LGI1: variants seen among roughly 807,000 people sequenced by gnomAD.
LGI1 encodes the protein leucine-rich glioma-inactivated protein 1.
A neutral mutation model predicts 57.7 loss-of-function variants in LGI1; 11 were observed. The ratio of observed to expected loss-of-function variants is 0.19; its 90% CI spans 0.12 to 0.32. The LOEUF (loss-of-function observed/expected upper bound fraction) is 0.32. Among genes scored for constraint, LGI1 ranks in the 10% least tolerant of loss-of-function variants. LGI1 has a pLI of 1.00. For missense variants in LGI1, 422 were observed against 661.9 expected (o/e 0.64, Z 3.98); for synonymous variants, 222 against 241.9 (o/e 0.92, Z 0.76).
At chr10:93,761,687 C>G (rs2059624936) in intron 2 of LGI1, among the ~76,000 whole-genome samples, 1 of 152,134 alleles carries the variant, frequency 6.6e-6, no homozygotes, top group Non-Finnish European at 1.5e-5. Flanking sequence ...CAAAAACCCA[C>G]ATTCCGTAGA....
chr10:93,783,402 A>G (rs1589766875), intron 4 of LGI1, among the ~76,000 whole-genome samples: 1 of 152,174 alleles, frequency 6.6e-6, no homozygotes, highest in South Asian at 2.1e-4. Flanking sequence ...AAATAAATAA[A>G]TAAAAGAATG....
intron 7 of LGI1, among the ~76,000 whole-genome samples, chr10:93,795,387 G>A (rs2059971768): frequency 6.6e-6 from 1 of 152,142 alleles, no homozygotes; most frequent in South Asian, 2.1e-4. Flanking sequence ...TGCCTTCTCT[G>A]TGTCCTAACA....
intron 4 of LGI1, among the ~76,000 whole-genome samples, chr10:93,783,967 G>T (rs2059873543): frequency 6.6e-6 from 1 of 152,158 alleles, no homozygotes; most frequent in Non-Finnish European, 1.5e-5. Context: ...AGCCGAGATA[G>T]CGCCACTGCA....
chr10:93,779,730 G>A (rs892100506), intron 4 of LGI1, among the ~76,000 whole-genome samples: 2 of 152,136 alleles, frequency 1.3e-5, no homozygotes, highest in East Asian at 1.9e-4. Context: ...TACAGAACAC[G>A]CTTAACATTC....
chr10:93,759,556 T>G (rs1184784744), intron 2 of LGI1, among the ~76,000 whole-genome samples: 1 of 152,142 alleles, frequency 6.6e-6, no homozygotes, highest in African/African-American at 2.4e-5. Context: ...TGTGTAATGT[T>G]TGGCAATTGG....
chr10:93,783,468 C>T (rs1304715504), intron 4 of LGI1, among the ~76,000 whole-genome samples: 2 of 152,200 alleles, frequency 1.3e-5, no homozygotes, highest in Non-Finnish European at 2.9e-5. Context: ...TTGAAGGCAA[C>T]TTTAAAGAGC....
chr10:93,775,453 C>T (rs915763478), intron 2 of LGI1, among the ~76,000 whole-genome samples: 2 of 152,104 alleles, frequency 1.3e-5, no homozygotes, highest in South Asian at 2.1e-4. Flanking sequence ...GAACTGTGCC[C>T]GGGGCTGGGG....
intron 2 of LGI1, chr10:93,763,795 CTT>C (rs1372587195): frequency 1.3e-5 from 2 of 152,196 alleles, no homozygotes; most frequent in Non-Finnish European, 2.9e-5. Flanking sequence ...GCTCGAATCT[CTT>C]GTGTCCCACG....
rs1234201805 is a variant in LGI1, at chr10:93,792,879, C to T, written c.640C>T (p.Leu214Phe). 6.2e-7 allele frequency: 1 copy of T among 1,614,070 alleles called. No individual in the cohort carries two copies. The highest frequency in any genetic ancestry group is 2.2e-5 in the East Asian group (1 of 44,864). The change falls in exon 6 of 8, where the codon CTC (leucine) becomes TTC (phenylalanine). Residue 214 changes from leucine to phenylalanine, a missense_variant. Around this residue, in one of 3 missense-constraint regions of LGI1, gnomAD observed 301 missense variants for 461.7 expected, o/e 0.65. Transcript: ENST00000371418. The stretch of plus-strand genomic sequence containing the variant: ...ATACAAGAAGCGCAAAATCAATAGT[C>T]TCTCCTCGAAGGATTTTGATTGCAT... ...PEYKKRKINS[L>F]SSKDFDCIIT... is the part of the protein sequence containing the mutation.
chr10:93,763,959 A>G (rs1024719703), intron 2 of LGI1: 2 of 152,254 alleles, frequency 1.3e-5, no homozygotes, highest in Admixed American at 6.5e-5. Flanking sequence ...AGAAAAATCA[A>G]TAACACAAAG....
chr10:93,778,520 C>T (rs1256067499), intron 4 of LGI1, among the ~76,000 whole-genome samples: 1 of 152,138 alleles, frequency 6.6e-6, no homozygotes, highest in Non-Finnish European at 1.5e-5. Context: ...TCTCAATAAT[C>T]CTGCCAAACA....
In LGI1 at chr10:93,771,318, T is replaced by C. The variant is rs1315645713; in HGVS notation, c.288-6061T>C. On this transcript the variant is annotated intron_variant, in intron 2 of 7. Coordinates refer to ENST00000371418, the MANE Select transcript of LGI1 (RefSeq NM_005097.4). ...GTTAAGGGGAAGATGTAGGCAATAT[T>C]TCCTTGATCTCAAGACAGGAAAGGA... 3 of 152,334 alleles carry C rather than the reference T, an allele frequency of 2.0e-5. No homozygotes were observed. The East Asian group carries it at 5.8e-4, about 29-fold the overall frequency. The allele number at this position is 152,334 out of a possible 1,614,324, so 9.4% of individuals were successfully genotyped here.
intron 2 of LGI1, among the ~76,000 whole-genome samples, chr10:93,761,641 C>A (rs2133979314): frequency 6.6e-6 from 1 of 152,158 alleles, no homozygotes; most frequent in East Asian, 1.9e-4. Flanking sequence ...TCCTGGTAGG[C>A]CATGGCTGGC....
Position 93,793,163 on chromosome 10 carries a change from CTTA to C in LGI1, c.674-17_674-15del. The C allele has an allele frequency of 6.3e-7, 1 of 1,585,734 alleles. No individual in the cohort carries two copies. The highest frequency in any genetic ancestry group is 8.6e-7 in the Non-Finnish European group (1 of 1,159,336). ...GGAAAGAGGTATTAGCTCACAGTTA[CTTA>C]TTATTTCCTATTTTTGCAGAATTTG... On this transcript the variant is annotated intron_variant, in intron 6 of 7. Transcript: ENST00000371418.
intron 2 of LGI1, chr10:93,769,520 G>A (rs1348524206): frequency 6.6e-6 from 1 of 152,198 alleles, no homozygotes; most frequent in African/African-American, 2.4e-5. Flanking sequence ...TTTGATGTCT[G>A]TGCTCTTTAC....
chr10:93,790,546 C>A, intron 5 of LGI1: 1 of 209,350 alleles, frequency 4.8e-6, no homozygotes, highest in Admixed American at 5.3e-5. Flanking sequence ...GTCTGGGAAA[C>A]TGACAGAATA....
At chr10:93,765,016 T>C (rs1231959004) in intron 2 of LGI1, 2 of 152,216 alleles carry the variant, frequency 1.3e-5, no homozygotes, top group African/African-American at 4.8e-5. Flanking sequence ...TCTCCTTTCT[T>C]CCTCATGAAT....
chr10:93,795,746 T>TATTG (rs2059974806), intron 7 of LGI1, among the ~76,000 whole-genome samples: 1 of 152,216 alleles, frequency 6.6e-6, no homozygotes, highest in African/African-American at 2.4e-5. Flanking sequence ...AGCCAATCAG[T>TATTG]ATTGGTACAT....
intron 4 of LGI1, chr10:93,780,407 T>C: frequency 6.6e-6 from 1 of 152,218 alleles, no homozygotes; most frequent in South Asian, 2.1e-4. Context: ...TAGTTTCCTT[T>C]TTAAGACATT....
Sources: gnomAD v4.1 joint callset for allele counts (sites outside exome capture counted in the v4.1 genomes callset) on GRCh38, gnomAD v4.1.1 for gene constraint, gnomAD v4.1.1 regional missense constraint, MANE v1.5 for transcripts, NCBI Gene and HGNC (gene_info 2026-07-23, HGNC 2026-07-21) for gene names.